Variants in TRPC3 observed in about 807,000 individuals in gnomAD.
The protein encoded by TRPC3 is transient receptor potential cation channel subfamily C member 3.
In TRPC3, 54 loss-of-function variants were observed where a neutral mutation model predicts 90.9. The ratio of observed to expected loss-of-function variants is 0.59; its 90% confidence interval spans 0.48 to 0.75. TRPC3 has a LOEUF of 0.75. Among genes scored for constraint, TRPC3 ranks in the 30% least tolerant of loss-of-function variants. The pLI, the probability that TRPC3 is intolerant of heterozygous loss-of-function variation, is 0.00. For missense variants in TRPC3, 918 were observed against 1,194.5 expected, an observed-to-expected ratio of 0.77 and a Z score of 3.41; for synonymous variants, 424 against 450.9, an observed-to-expected ratio of 0.94 and a Z score of 0.75.
chr4:121,884,403 G>A (rs570205238), intron 10 of TRPC3, among the ~76,000 whole-genome samples: 78 of 152,238 alleles, frequency 5.1e-4, no homozygotes, highest in African/African-American at 1.9e-3. Context: ...TGTTATCATT[G>A]TCAGGTCGGT....
chr4:121,938,929 C>A (rs1730217328), intron 1 of TRPC3, among the ~76,000 whole-genome samples: 1 of 152,126 alleles, frequency 6.6e-6, no homozygotes, highest in South Asian at 2.1e-4. Flanking sequence ...GTATGACTTT[C>A]AGGGATGGTG....
intron 1 of TRPC3, among the ~76,000 whole-genome samples, chr4:121,949,465 G>A (rs1227582925): frequency 1.3e-5 from 2 of 152,078 alleles, no homozygotes; most frequent in Admixed American, 6.5e-5. Flanking sequence ...ATGACCCTGG[G>A]TATCCTTCTC....
intron 2 of TRPC3, among the ~76,000 whole-genome samples, chr4:121,928,022 T>G (rs960258536): frequency 2.0e-5 from 3 of 152,204 alleles, no homozygotes; most frequent in Non-Finnish European, 4.4e-5. Context: ...ATGTTATTCT[T>G]CAGTTCAGAC....
At chr4:121,920,388 A>G (rs1294106256) in intron 3 of TRPC3, among the ~76,000 whole-genome samples, 1 of 151,978 alleles carries the variant, frequency 6.6e-6, no homozygotes, top group Non-Finnish European at 1.5e-5. Flanking sequence ...CCAGGCATGG[A>G]TGATGGGTGC....
intron 1 of TRPC3, among the ~76,000 whole-genome samples, chr4:121,945,915 C>G (rs997495047): frequency 4.6e-5 from 7 of 151,840 alleles, no homozygotes; most frequent in Non-Finnish European, 4.4e-5. Context: ...ATAAAGAATG[C>G]TATAAAAAAG....
Position 121,951,742 on chromosome 4 carries a change from G to A in TRPC3, c.-62C>T, listed in dbSNP as rs1342941398. ...GCCGGCCTCCTCCGCCTTCGCGGCA[G>A]TGCAGTCTTCCCGCGGCGCCCCTTC... On this transcript the variant is annotated 5_prime_UTR_variant, in exon 1 of 12. Transcript: ENST00000379645. The surrounding 1 kb of genome is among the most constrained non-coding windows in gnomAD (Gnocchi z 4.4). 4 of 1,248,988 alleles carry A rather than the reference G, an allele frequency of 3.2e-6. No homozygotes were observed. The highest frequency in any genetic ancestry group is 4.1e-6 in the Non-Finnish European group (4 of 977,716). The allele number at this position is 1,248,988 out of a possible 1,614,324, so 77.4% of individuals were successfully genotyped here.
Position 121,951,401 on chromosome 4 carries a change from G to T in TRPC3, c.215+65C>A. The stretch of plus-strand genomic sequence containing the variant: ...CTCGACGTGGAGCCGCCCGGCGCGC[G>T]CCTTCCCGCCCCCCGCCCGGCACCG... On this transcript the variant is annotated intron_variant, in intron 1 of 11. Transcript: ENST00000379645. This position sits in a 1 kb window ranked among gnomAD's most constrained non-coding sequence, Gnocchi z 4.4. 9.2e-7 allele frequency: 1 copy of T among 1,083,270 alleles called. No homozygotes were observed. The highest frequency in any genetic ancestry group is 1.1e-6 in the Non-Finnish European group (1 of 878,502). 67.1% of individuals were successfully genotyped at this position (1,083,270 alleles called of 1,614,324 possible). A position where few individuals can be genotyped will look rare whatever the true frequency, so the allele number is the denominator to read the frequency against.
intron 3 of TRPC3, among the ~76,000 whole-genome samples, chr4:121,916,961 C>T (rs1040074854): frequency 1.2e-4 from 19 of 152,048 alleles, no homozygotes; most frequent in African/African-American, 3.4e-4. Context: ...GTGATCCGCC[C>T]GCCTCAGCCT....
chr4:121,942,622 A>G (rs1730359782), intron 1 of TRPC3, among the ~76,000 whole-genome samples: 1 of 152,208 alleles, frequency 6.6e-6, no homozygotes, highest in African/African-American at 2.4e-5. Flanking sequence ...GATATATGCT[A>G]ATTTTGGCAT....
chr4:121,952,056 T>TGCTAGG lies in TRPC3; in HGVS notation c.-377_-376insCCTAGC, dbSNP rs1413456202. Among the ~76,000 whole-genome samples the TGCTAGG allele has an allele frequency of 9.5e-4, 123 of 129,750 alleles. No individual in the cohort carries two copies. The highest frequency in any genetic ancestry group is 3.4e-3 in the African/African-American group (118 of 34,700). 85.1% of individuals were successfully genotyped at this position (129,750 alleles called of 152,430 possible). A position where few individuals can be genotyped will look rare whatever the true frequency, so the allele number is the denominator to read the frequency against. ...GCATCACTTGCTAGGACAGCATCGT[T>TGCTAGG]ACTCAGGGAGAAGGAGAGGGAGGGC... On this transcript the variant is annotated 5_prime_UTR_variant, in exon 1 of 12. Coordinates refer to ENST00000379645, the MANE Select transcript of TRPC3 (RefSeq NM_001130698.2).
Position 121,909,407 on chromosome 4 carries a change from A to C in TRPC3, c.1792+747T>G, listed in dbSNP as rs187616341. 9.6e-3 allele frequency among the ~76,000 whole-genome samples: 1,458 copies of C among 152,208 alleles called. 18 individuals are homozygous for C. The highest frequency in any genetic ancestry group is 0.012 in the Non-Finnish European group (841 of 67,998). On this transcript the variant is annotated intron_variant, in intron 6 of 11. Transcript: ENST00000379645. ...AGATGAAGATTAGACAACACTTTCT[A>C]AAGTATTTTCCAGATTTCAGATTTT... is the stretch of plus-strand genomic sequence containing the variant.
At chr4:121,882,155 T>C (rs1003131094) in intron 11 of TRPC3, among the ~76,000 whole-genome samples, 199 bp downstream of exon 11, 42 of 152,102 alleles carry the variant, frequency 2.8e-4, no homozygotes, top group African/African-American at 8.9e-4. Context: ...TAGAGATAAA[T>C]TGCCTCTGAT....
intron 2 of TRPC3, among the ~76,000 whole-genome samples, chr4:121,927,072 A>G (rs552025228): frequency 1.3e-5 from 2 of 152,174 alleles, no homozygotes; most frequent in Non-Finnish European, 2.9e-5. Flanking sequence ...AGGGCATATT[A>G]CTGTGCCCTG....
rs1222906210 is a variant in TRPC3 at position 121,878,220 on chromosome 4, T to C, written c.*1516A>G. On this transcript the variant is annotated 3_prime_UTR_variant, in exon 12 of 12. Coordinates refer to ENST00000379645, the MANE Select transcript of TRPC3 (RefSeq NM_001130698.2). ...TTCTACAATGGTAGCAAAACATTTA[T>C]AAAGTTCCTTTCTTAATTTAACTCC... Among the ~76,000 whole-genome samples, 1 of 152,260 alleles carries C rather than the reference T, an allele frequency of 6.6e-6. No homozygotes were observed. The highest frequency in any genetic ancestry group is 1.5e-5 in the Non-Finnish European group (1 of 68,040).
At chr4:121,884,150 T>C (rs1017476719) in intron 10 of TRPC3, among the ~76,000 whole-genome samples, 3 of 152,200 alleles carry the variant, frequency 2.0e-5, no homozygotes, top group Non-Finnish European at 4.4e-5. Flanking sequence ...AGAAGCATAA[T>C]GTTGAATGAA....
chr4:121,882,494 C>T, intron 10 of TRPC3, 65 bp from the exon 11 acceptor site: 3 of 1,481,068 alleles, frequency 2.0e-6, no homozygotes, highest in Non-Finnish European at 2.8e-6. Context: ...TCCTATTTTC[C>T]AAAGAGGCTT....
rs1727749218 is a variant in TRPC3, at chr4:121,875,915, T to TG, written c.*3820_*3821insC. Reference sequence around the variant, plus strand: ...TTTTTTTTTTTTTTTTTTTTTTTTTTTGTGGGGGGTGGTTCACTTTGTCAC... The same window carrying TG: ...TTTTTTTTTTTTTTTTTTTTTTTTTTGTGTGGGGGGTGGTTCACTTTGTCAC... On this transcript the variant is annotated 3_prime_UTR_variant, in exon 12 of 12. Transcript: ENST00000379645. 1.7e-5 allele frequency among the ~76,000 whole-genome samples: 2 copies of TG among 115,232 alleles called. No individual in the cohort carries two copies. The highest frequency in any genetic ancestry group is 3.5e-5 in the Non-Finnish European group (2 of 57,538). 75.6% of individuals were successfully genotyped at this position (115,232 alleles called of 152,430 possible). A position where few individuals can be genotyped will look rare whatever the true frequency, so the allele number is the denominator to read the frequency against.
At chr4:121,949,329 T>C (rs1730601479) in intron 1 of TRPC3, among the ~76,000 whole-genome samples, 1 of 152,160 alleles carries the variant, frequency 6.6e-6, no homozygotes, top group Non-Finnish European at 1.5e-5. Flanking sequence ...CCACATGGAA[T>C]AGGGCAGCAT....
chr4:121,951,664 C>A lies in TRPC3; in HGVS notation c.17G>T (p.Arg6Met), dbSNP rs1730767221. Residue 6 changes from arginine to methionine, a missense_variant, in exon 1 of 12, where the codon AGG becomes ATG. Arg to Met is a moderately conservative substitution (Grantham distance 91). Around this residue, in one of 4 missense-constraint regions of TRPC3, gnomAD observed 609 missense variants for 725.9 expected, o/e 0.84. Transcript: ENST00000379645. The surrounding 1 kb of genome is among the most constrained non-coding windows in gnomAD (Gnocchi z 4.4). The part of the protein sequence containing the change: MSTKV[R>M]KCKEQARVTF... ...CACCCTTGCTTGTTCTTTGCACTTCCTGACCTTGGTGGACATCGCGCCGGC... is the reference window on the plus strand; with the variant it reads ...CACCCTTGCTTGTTCTTTGCACTTCATGACCTTGGTGGACATCGCGCCGGC... 7.4e-7 allele frequency: 1 copy of A among 1,355,536 alleles called. No homozygotes were observed. The highest frequency in any genetic ancestry group is 9.6e-7 in the Non-Finnish European group (1 of 1,045,490). The allele number at this position is 1,355,536 out of a possible 1,614,324, so 84.0% of individuals were successfully genotyped here.
Sources: allele counts gnomAD v4.1 joint callset (sites outside exome capture counted in the v4.1 genomes callset), GRCh38; gene constraint gnomAD v4.1.1; regional missense constraint gnomAD v4.1.1; non-coding constraint Gnocchi (gnomAD v3.1); transcripts MANE v1.5; gene names NCBI Gene and HGNC (gene_info 2026-07-23, HGNC 2026-07-21).